ANXA6: variants seen among roughly 807,000 people sequenced by gnomAD.
The protein encoded by ANXA6 is annexin A6, also known as 67 kDa calelectrin.
A neutral mutation model predicts 95.4 loss-of-function variants in ANXA6; 71 were observed. That is an observed-to-expected ratio of 0.74 (90% CI 0.61 to 0.91). The LOEUF is 0.91. Ranked by LOEUF, ANXA6 falls within the 40% of genes least tolerant of loss-of-function variation. The probability of loss-of-function intolerance (pLI) is 0.00; values close to 1 mark genes in which losing one functional copy is unlikely to be tolerated. For synonymous variants in ANXA6, 289 were observed against 315.9 expected (o/e 0.91, Z 0.90); for missense variants, 830 against 876.4 (o/e 0.95, Z 0.67).
Position 151,139,459 on chromosome 5 carries a change from G to C in ANXA6, c.110-12C>G, listed in dbSNP as rs1180691452. The C allele has an allele frequency of 6.2e-6, 10 of 1,601,822 alleles. No homozygotes were observed. Among genetic ancestry groups the C allele is most frequent in the Non-Finnish European group, 8.6e-6 (10 of 1,169,442 alleles). Reference sequence around the variant, plus strand: ...CTCCTTGTCACTGCCTGGAATAGGGGAGAGCAATCATCATCCTACCCACCC... The same window carrying C: ...CTCCTTGTCACTGCCTGGAATAGGGCAGAGCAATCATCATCCTACCCACCC... On this transcript the variant is annotated splice_polypyrimidine_tract_variant and intron_variant, in intron 3 of 25. Coordinates refer to ENST00000354546, the MANE Select transcript of ANXA6 (RefSeq NM_001155.5).
intron 24 of ANXA6, among the ~76,000 whole-genome samples, chr5:151,104,890 G>A (rs1764653041): frequency 6.6e-6 from 1 of 152,218 alleles, no homozygotes; most frequent in Non-Finnish European, 1.5e-5. Context: ...CTCAACCTTG[G>A]CATTTGGGGC....
rs748804488 is a variant in ANXA6 at position 151,117,829 on chromosome 5, T to G, written c.1447A>C (p.Lys483Gln). 9 of 1,613,306 alleles carry G rather than the reference T, an allele frequency of 5.6e-6. No individual in the cohort carries two copies. The South Asian group carries it at 6.6e-5, about 12-fold the overall frequency. The change falls in exon 19 of 26, where the codon AAG becomes CAG. Residue 483 changes from lysine to glutamine, a missense_variant. Physicochemically the swap from Lys to Gln is moderately conservative, Grantham distance 53. Coordinates refer to ENST00000354546, the MANE Select transcript of ANXA6 (RefSeq NM_001155.5). ...INEAYKEDYH[K>Q]SLEDALSSDT... Reference sequence around the variant, plus strand: ...GAGCTCAGAGCATCCTCCAGGGACTTGTGATAGTCTGAGGCAGAGAAAGGG... The same window carrying G: ...GAGCTCAGAGCATCCTCCAGGGACTGGTGATAGTCTGAGGCAGAGAAAGGG...
At chr5:151,142,797 C>G (rs572649250) in intron 2 of ANXA6, among the ~76,000 whole-genome samples, 1 of 152,294 alleles carries the variant, frequency 6.6e-6, no homozygotes, top group East Asian at 1.9e-4. Context: ...CACTGGATCC[C>G]TAGCAATGCT....
intron 25 of ANXA6, among the ~76,000 whole-genome samples, chr5:151,102,469 C>T (rs1043831321): frequency 1.3e-5 from 2 of 152,128 alleles, no homozygotes; most frequent in African/African-American, 4.8e-5. Context: ...TTTGGGAGGC[C>T]AAGGCAGGTG....
At chr5:151,113,727 C>T (rs564086485) in intron 20 of ANXA6, among the ~76,000 whole-genome samples, 4 of 152,338 alleles carry the variant, frequency 2.6e-5, no homozygotes, top group Admixed American at 2.6e-4. Flanking sequence ...AAAAATTAAT[C>T]TGGACAGTTC....
chr5:151,149,179 C>CAAAAAA (rs36120948), intron 1 of ANXA6, among the ~76,000 whole-genome samples: 4 of 47,264 alleles, frequency 8.5e-5, no homozygotes, highest in Admixed American at 2.8e-4. Flanking sequence ...AGCCCTGTCT[C>CAAAAAA]AAAAAAAAAA....
intron 20 of ANXA6, 32 bp from the exon 21 acceptor site, chr5:151,110,676 G>A (rs1319178190): frequency 1.2e-6 from 2 of 1,612,934 alleles, no homozygotes; most frequent in South Asian, 1.1e-5. Flanking sequence ...AGGAGGGAGA[G>A]AAGGGAGGCA....
rs1434848601 is a variant in ANXA6, at chr5:151,101,114, C to G, written c.*334G>C. 2 of 511,734 alleles carry G rather than the reference C, an allele frequency of 3.9e-6. No homozygotes were observed. The highest frequency in any genetic ancestry group is 7.4e-6 in the Non-Finnish European group (2 of 268,800). 31.7% of individuals were successfully genotyped at this position (511,734 alleles called of 1,614,324 possible). A position where few individuals can be genotyped will look rare whatever the true frequency, so the allele number is the denominator to read the frequency against. ...GTACAGACACTACTCATTTTACAGACAGAGGTTCAGGATGTTTTTGGATCT... is the reference window on the plus strand; with the variant it reads ...GTACAGACACTACTCATTTTACAGAGAGAGGTTCAGGATGTTTTTGGATCT... On this transcript the variant is annotated 3_prime_UTR_variant, in exon 26 of 26. Coordinates refer to ENST00000354546, the MANE Select transcript of ANXA6 (RefSeq NM_001155.5).
At chr5:151,114,421 G>A (rs963700693) in intron 20 of ANXA6, among the ~76,000 whole-genome samples, 7 of 151,804 alleles carry the variant, frequency 4.6e-5, no homozygotes, top group African/African-American at 9.7e-5. Flanking sequence ...TAACCAGCCT[G>A]GCCAACATGA....
chr5:151,114,133 A>G (rs1482708447), intron 20 of ANXA6, among the ~76,000 whole-genome samples: 1 of 152,206 alleles, frequency 6.6e-6, no homozygotes, highest in African/African-American at 2.4e-5. Context: ...CTGGGGGGTT[A>G]GTAGGATATG....
At position 151,138,806 on chromosome 5, in the gene ANXA6, A is replaced by C; in HGVS notation, c.205-15T>G. 6.4e-7 allele frequency: 1 copy of C among 1,552,870 alleles called. No homozygotes were observed. The highest frequency in any genetic ancestry group is 2.2e-5 in the East Asian group (1 of 44,530). On this transcript the variant is annotated splice_polypyrimidine_tract_variant and intron_variant, in intron 4 of 25. Coordinates refer to ENST00000354546, the MANE Select transcript of ANXA6 (RefSeq NM_001155.5). ...GCAATGAGGTCCTGGCAGGTGGGGA[A>C]GAAGAGGAGATAGAAGAGGAAAGAG...
At chr5:151,126,562 ACACACACACC>A (rs2113923070) in intron 13 of ANXA6, 82 bp from the exon 14 acceptor site, 1 of 747,918 alleles carries the variant, frequency 1.3e-6, no homozygotes, top group Non-Finnish European at 2.1e-6. Flanking sequence ...ACACACACAC[ACACACACACC>A]CCAACACATA....
chr5:151,105,019 T>C (rs1283371265), intron 24 of ANXA6, among the ~76,000 whole-genome samples: 2 of 152,198 alleles, frequency 1.3e-5, no homozygotes, highest in Non-Finnish European at 2.9e-5. Flanking sequence ...ACCAAAAATG[T>C]GTCTGGATAT....
chr5:151,116,652 GC>G (rs1391847680), intron 20 of ANXA6, among the ~76,000 whole-genome samples: 20 of 152,170 alleles, frequency 1.3e-4, no homozygotes. Context: ...GAAGATTCCA[GC>G]CCTTGAGGAA....
intron 2 of ANXA6, among the ~76,000 whole-genome samples, chr5:151,145,881 CCT>C (rs1765963049): frequency 6.6e-6 from 1 of 152,134 alleles, no homozygotes; most frequent in African/African-American, 2.4e-5. Context: ...GTTGTCCCTG[CCT>C]AGACCACTCT....
chr5:151,147,941 G>T lies in ANXA6; in HGVS notation c.-25-15C>A. On this transcript the variant is annotated splice_polypyrimidine_tract_variant and intron_variant, in intron 1 of 25. Transcript: ENST00000354546. Reference sequence around the variant, plus strand: ...AGCAGAATCCACTGTAGAGAAGAAAGACAGCATGTGAGATTCCCCCCAACT... The same window carrying T: ...AGCAGAATCCACTGTAGAGAAGAAATACAGCATGTGAGATTCCCCCCAACT... 6.3e-7 allele frequency: 1 copy of T among 1,596,582 alleles called. No homozygotes were observed. Among genetic ancestry groups the T allele is most frequent in the South Asian group, 1.1e-5 (1 of 88,154 alleles).
chr5:151,142,249 C>T (rs746132406), intron 2 of ANXA6, among the ~76,000 whole-genome samples: 3 of 152,108 alleles, frequency 2.0e-5, no homozygotes, highest in African/African-American at 4.8e-5. Context: ...GGAGGCTAGA[C>T]GGGAGACCAC....
At chr5:151,131,186 AT>A (rs1295578416) in intron 11 of ANXA6, 44 bp downstream of exon 11, 15 of 1,603,256 alleles carry the variant, frequency 9.4e-6, no homozygotes, top group Non-Finnish European at 1.1e-5. Flanking sequence ...AAGACTCCCA[AT>A]AGTCCTCTCC....
chr5:151,103,557 C>A lies in ANXA6; in HGVS notation c.1962+13G>T. ...TCACCCGCTTCCTGCTAACCTCTAG[C>A]CCCTCCCCTTACCTCAATGGCTTGG... On this transcript the variant is annotated intron_variant, in intron 25 of 25. Coordinates refer to ENST00000354546, the MANE Select transcript of ANXA6 (RefSeq NM_001155.5). 3 of 1,610,788 alleles carry A rather than the reference C, an allele frequency of 1.9e-6. No individual in the cohort carries two copies. Among genetic ancestry groups the A allele is most frequent in the Non-Finnish European group, 2.5e-6 (3 of 1,178,372 alleles).
Sources: gnomAD v4.1 joint callset for allele counts (sites outside exome capture counted in the v4.1 genomes callset) on GRCh38, gnomAD v4.1.1 for gene constraint, MANE v1.5 for transcripts, NCBI Gene and HGNC (gene_info 2026-07-23, HGNC 2026-07-21) for gene names.